Variants in GARIN1B observed in about 807,000 individuals in gnomAD.
GARIN1B encodes the protein Golgi-associated RAB2 interactor protein 1B.
the GARIN1B span, among the ~76,000 whole-genome samples, chr7:128,730,293 C>T: frequency 1.1e-4 from 16 of 152,264 alleles, no homozygotes; most frequent in African/African-American, 3.1e-4. Context: ...ATGCTGTTGA[C>T]GCTATAGCTG....
chr7:128,720,725 C>A, the GARIN1B span, among the ~76,000 whole-genome samples: 1 of 152,044 alleles, frequency 6.6e-6, no homozygotes, highest in African/African-American at 2.4e-5. Context: ...AAGACTATTC[C>A]TTCCCACATT....
chr7:128,725,824 CTG>C, the GARIN1B span, among the ~76,000 whole-genome samples: 26,638 of 152,182 alleles, frequency 0.18, 2,649 homozygotes, highest in South Asian at 0.27. Flanking sequence ...AAATTAGACA[CTG>C]TGCTCCCCAG....
chr7:128,710,127 A>G, the GARIN1B span, among the ~76,000 whole-genome samples: 1 of 152,214 alleles, frequency 6.6e-6, no homozygotes, highest in African/African-American at 2.4e-5. Flanking sequence ...CATGTTGGCC[A>G]GGCTGGTCTC....
the GARIN1B span, chr7:128,716,753 G>A: frequency 4.1e-6 from 6 of 1,450,278 alleles, no homozygotes; most frequent in Non-Finnish European, 5.6e-6. Flanking sequence ...GAAACCCTGG[G>A]CTGAAACAGA....
chr7:128,727,785 C>T, the GARIN1B span, among the ~76,000 whole-genome samples: 1 of 152,130 alleles, frequency 6.6e-6, no homozygotes, highest in Non-Finnish European at 1.5e-5. Context: ...TCCTCCCTAT[C>T]CTTCTAAATC....
At chr7:128,712,364 C>T in the GARIN1B span, among the ~76,000 whole-genome samples, 2 of 152,212 alleles carry the variant, frequency 1.3e-5, no homozygotes, top group Non-Finnish European at 2.9e-5. Flanking sequence ...GTATGCAGTT[C>T]AGTGGCATGA....
At chr7:128,709,748 C>CTA in the GARIN1B span, among the ~76,000 whole-genome samples, 1 of 68,650 alleles carries the variant, frequency 1.5e-5, no homozygotes, top group Admixed American at 1.3e-4. Context: ...CTCTCTCTCT[C>CTA]TCTTTTTTTT....
chr7:128,715,965 C>A, the GARIN1B span, among the ~76,000 whole-genome samples: 1 of 152,274 alleles, frequency 6.6e-6, no homozygotes, highest in Non-Finnish European at 1.5e-5. Flanking sequence ...TTTACTTCAG[C>A]CCCCAGGCTG....
chr7:128,724,703 A>G, the GARIN1B span: 1 of 1,287,832 alleles, frequency 7.8e-7, no homozygotes, highest in Non-Finnish European at 1.0e-6. Flanking sequence ...GAGAACAGAA[A>G]TAAATTAGCA....
At chr7:128,719,109 C>T in the GARIN1B span, 8 of 1,606,304 alleles carry the variant, frequency 5.0e-6, no homozygotes, top group Admixed American at 1.7e-5. Flanking sequence ...TGCCACCCTG[C>T]AGTCAAGGCC....
chr7:128,715,625 G>A, the GARIN1B span: 10 of 1,614,160 alleles, frequency 6.2e-6, no homozygotes, highest in East Asian at 2.2e-5. Flanking sequence ...GCTCTGCCGG[G>A]TGGTTCATTC....
the GARIN1B span, among the ~76,000 whole-genome samples, chr7:128,720,028 T>G: frequency 3.1e-4 from 47 of 152,182 alleles, no homozygotes; most frequent in African/African-American, 1.1e-3. Flanking sequence ...GGTTTTTTCT[T>G]CTTATTGCAT....
the GARIN1B span, chr7:128,726,918 GGATATAA>G: frequency 6.4e-7 from 1 of 1,553,824 alleles, no homozygotes; most frequent in Non-Finnish European, 8.9e-7. Context: ...TTTCTACTCT[GGATATAA>G]GAATAAGATC....
chr7:128,715,352 G>GGTC, the GARIN1B span: 4 of 1,544,670 alleles, frequency 2.6e-6, no homozygotes, highest in Middle Eastern at 6.1e-4. Flanking sequence ...GCTGACTGGT[G>GGTC]GTCCCAGGGC....
the GARIN1B span, among the ~76,000 whole-genome samples, chr7:128,711,387 C>G: frequency 6.6e-6 from 1 of 151,982 alleles, no homozygotes; most frequent in Non-Finnish European, 1.5e-5. Context: ...ACAACTCACT[C>G]AACTGCTCTC....
At chr7:128,709,752 T>TC in the GARIN1B span, among the ~76,000 whole-genome samples, 6 of 8,498 alleles carry the variant, frequency 7.1e-4, no homozygotes, top group South Asian at 7.9e-3. Context: ...CTCTCTCTCT[T>TC]TTTTTTTTTT....
the GARIN1B span, chr7:128,715,225 T>G: frequency 1.9e-5 from 19 of 985,164 alleles, no homozygotes; most frequent in Non-Finnish European, 2.3e-5. Flanking sequence ...GGCTGGGGAA[T>G]GTCCAGGCAC....
chr7:128,731,264 C>T, the GARIN1B span: 2 of 809,102 alleles, frequency 2.5e-6, no homozygotes, highest in Non-Finnish European at 4.3e-6. Context: ...AGAGCCTTTC[C>T]AGCTGTACAT....
At chr7:128,723,481 G>A in the GARIN1B span, 1 of 702,296 alleles carries the variant, frequency 1.4e-6, no homozygotes, top group Non-Finnish European at 2.2e-6. Context: ...GGGAGGTCAA[G>A]GCAGATGGAT....
Sources: allele counts gnomAD v4.1 joint callset (sites outside exome capture counted in the v4.1 genomes callset), GRCh38; gene constraint gnomAD v4.1.1; transcripts MANE v1.5; gene names NCBI Gene and HGNC (gene_info 2026-07-23, HGNC 2026-07-21).